Variants in ZBTB8B observed in about 807,000 individuals in gnomAD.
The protein encoded by ZBTB8B is zinc finger and BTB domain-containing protein 8B.
ZBTB8B carries 17 observed loss-of-function variants against 30.3 expected under a neutral mutation model. That is an observed-to-expected ratio of 0.56 (90% CI 0.38 to 0.84). The LOEUF (loss-of-function observed/expected upper bound fraction) is 0.84, where lower values mean the gene tolerates loss of function less well. Ranked by LOEUF, ZBTB8B falls within the 40% of genes least tolerant of loss-of-function variation. The probability of loss-of-function intolerance (pLI) is 0.00; values close to 1 mark genes in which losing one functional copy is unlikely to be tolerated. For missense variants in ZBTB8B, 515 were observed against 644.9 expected (o/e 0.80, Z 2.18); for synonymous variants, 248 against 255.6 (o/e 0.97, Z 0.28).
chr1:32,489,059 A>G lies in ZBTB8B; in HGVS notation c.*3641A>G, dbSNP rs1190920596. On this transcript the variant is annotated 3_prime_UTR_variant, in exon 4 of 4. Coordinates refer to ENST00000609129, the MANE Select transcript of ZBTB8B (RefSeq NM_001145720.2). ...TGATCCGCCTGCCTCAGCCTCCCAA[A>G]GTGCTGGGATTACAGGCGTGAGCCA... 6.6e-6 allele frequency: 1 copy of G among 152,216 alleles called. No individual in the cohort carries two copies. The allele number at this position is 152,216 out of a possible 1,614,324, so 9.4% of individuals were successfully genotyped here. A position where few individuals can be genotyped will look rare whatever the true frequency, so the allele number is the denominator to read the frequency against.
chr1:32,474,619 G>A (rs12134516), intron 2 of ZBTB8B, among the ~76,000 whole-genome samples: 1 of 152,118 alleles, frequency 6.6e-6, no homozygotes, highest in African/African-American at 2.4e-5. Context: ...GCATTGGGAA[G>A]ATAGTGGCTG....
intron 3 of ZBTB8B, among the ~76,000 whole-genome samples, chr1:32,483,987 T>G (rs1372792545): frequency 6.6e-6 from 1 of 152,042 alleles, no homozygotes; most frequent in Non-Finnish European, 1.5e-5. Flanking sequence ...GAAGGATCAC[T>G]TTAGGCCAGG....
At chr1:32,471,638 A>G in intron 2 of ZBTB8B, 23 bp downstream of exon 2, 1 of 1,535,968 alleles carries the variant, frequency 6.5e-7, no homozygotes, top group Non-Finnish European at 8.8e-7. Context: ...AGCATTCATC[A>G]GCCCTGCCAG....
At chr1:32,478,247 C>A (rs896859515) in intron 2 of ZBTB8B, among the ~76,000 whole-genome samples, 1 of 151,182 alleles carries the variant, frequency 6.6e-6, no homozygotes. Flanking sequence ...CATGGTGGCT[C>A]ACGCCTATAA....
intron 1 of ZBTB8B, among the ~76,000 whole-genome samples, chr1:32,467,395 G>C (rs965551715): frequency 1.3e-5 from 2 of 151,926 alleles, no homozygotes; most frequent in African/African-American, 4.8e-5. Context: ...GGGATTACAG[G>C]TGCCCGCCAC....
intron 3 of ZBTB8B, 23 bp from the exon 4 acceptor site, chr1:32,485,078 A>G (rs1643734054): frequency 4.5e-6 from 7 of 1,548,160 alleles, no homozygotes; most frequent in Non-Finnish European, 6.1e-6. Context: ...TGTGACATCT[A>G]CTGTGTCTGC....
intron 1 of ZBTB8B, among the ~76,000 whole-genome samples, chr1:32,469,058 G>T (rs984009042): frequency 6.6e-6 from 1 of 151,526 alleles, no homozygotes; most frequent in Non-Finnish European, 1.5e-5. Flanking sequence ...TTGGCCAGGC[G>T]CAGTGGTATG....
At chr1:32,467,683 AT>A (rs1221275617) in intron 1 of ZBTB8B, among the ~76,000 whole-genome samples, 3 of 152,238 alleles carry the variant, frequency 2.0e-5, no homozygotes, top group Admixed American at 2.0e-4. Context: ...ATAAAATTGA[AT>A]AAGACATGGC....
intron 2 of ZBTB8B, among the ~76,000 whole-genome samples, chr1:32,472,130 C>A (rs1643629580): frequency 6.6e-6 from 1 of 152,032 alleles, no homozygotes; most frequent in Non-Finnish European, 1.5e-5. Flanking sequence ...CCATTATTGC[C>A]ACCACCACCA....
intron 2 of ZBTB8B, among the ~76,000 whole-genome samples, chr1:32,471,845 A>G (rs534781355): frequency 6.6e-6 from 1 of 151,948 alleles, no homozygotes; most frequent in African/African-American, 2.4e-5. Flanking sequence ...CACCAGTACC[A>G]TCATCATCAT....
At position 32,469,246 on chromosome 1, in the gene ZBTB8B, A is replaced by ATTTTT. The variant is rs541160413; in HGVS notation, c.-41-1325_-41-1321dup. 4.4e-3 allele frequency among the ~76,000 whole-genome samples: 518 copies of ATTTTT among 117,320 alleles called. 21 individuals are homozygous for ATTTTT. Among genetic ancestry groups the ATTTTT allele is most frequent in the East Asian group, 0.029 (110 of 3,798 alleles). 77.0% of individuals were successfully genotyped at this position (117,320 alleles called of 152,430 possible). ...TTGATACACTAAACACTCAAGTATA[A>ATTTTT]TTTTTTTTTTTTTTTTTGAGACAGA... On this transcript the variant is annotated intron_variant, in intron 1 of 3. Transcript: ENST00000609129.
Position 32,485,319 on chromosome 1 carries a change from C to T in ZBTB8B, c.1389C>T (p.Ile463=). ...EKSDTDNDWP[I]YVESGEENDP... is the part of the protein sequence containing the mutation. ...GCGACACAGACAATGACTGGCCAAT[C>T]TATGTGGAGTCGGGTGAGGAAAATG... The change falls in exon 4 of 4, where the codon ATC becomes ATT. Residue 463 remains isoleucine, a synonymous_variant. Transcript: ENST00000609129. 6.4e-7 allele frequency: 1 copy of T among 1,552,262 alleles called. No individual in the cohort carries two copies. The highest frequency in any genetic ancestry group is 1.2e-5 in the South Asian group (1 of 84,056).
At position 32,471,287 on chromosome 1, in the gene ZBTB8B, T is replaced by C; in HGVS notation, c.663T>C (p.Ser221=). The C allele has an allele frequency of 6.4e-7, 1 of 1,551,810 alleles. No homozygotes were observed. The highest frequency in any genetic ancestry group is 1.4e-5 in the African/African-American group (1 of 73,186). ...GTGGCTCGGCTGACAGCAACCTCTC[T>C]ACTCCACCCAAACGGATAGAGCCCA... ...LGGGSADSNL[S]TPPKRIEPKV... The change falls in exon 2 of 4, where the codon TCT becomes TCC. Residue 221 remains serine (S), a synonymous_variant. Coordinates refer to ENST00000609129, the MANE Select transcript of ZBTB8B (RefSeq NM_001145720.2).
chr1:32,476,785 T>C lies in ZBTB8B; in HGVS notation c.992-4106T>C, dbSNP rs1041471322. The stretch of plus-strand genomic sequence containing the variant: ...GCCTGGGCAACAGAGCGAGACTCTG[T>C]CTCAAAAAAAAAAAAAAAAAATCCA... On this transcript the variant is annotated intron_variant, in intron 2 of 3. Coordinates refer to ENST00000609129, the MANE Select transcript of ZBTB8B (RefSeq NM_001145720.2). Among the ~76,000 whole-genome samples the C allele has an allele frequency of 1.1e-4, 16 of 143,170 alleles. No homozygotes were observed. In the East Asian group the frequency reaches 1.6e-3, roughly 14 times the overall value. The allele number at this position is 143,170 out of a possible 152,430, so 93.9% of individuals were successfully genotyped here. A position where few individuals can be genotyped will look rare whatever the true frequency, so the allele number is the denominator to read the frequency against.
At chr1:32,479,354 C>T (rs1643687575) in intron 2 of ZBTB8B, among the ~76,000 whole-genome samples, 1 of 151,824 alleles carries the variant, frequency 6.6e-6, no homozygotes, top group Non-Finnish European at 1.5e-5. Flanking sequence ...TGAAACCCCG[C>T]CTTTACTAAA....
In ZBTB8B at chr1:32,484,334, G is replaced by A. The variant is rs146924739; in HGVS notation, c.1171-767G>A. ...CTGCCCTCTTAGAGCTTCCACTCTA[G>A]TGACTTTTATGAACAATTTGTGAGA... On this transcript the variant is annotated intron_variant, in intron 3 of 3. Coordinates refer to ENST00000609129, the MANE Select transcript of ZBTB8B (RefSeq NM_001145720.2). This position sits in a 1 kb window ranked among gnomAD's most constrained non-coding sequence, Gnocchi z 4.5. Among the ~76,000 whole-genome samples, 845 of 152,284 alleles carry A rather than the reference G, an allele frequency of 5.5e-3. 4 individuals are homozygous for A. Among genetic ancestry groups the A allele is most frequent in the Middle Eastern group, 0.027 (8 of 294 alleles).
chr1:32,485,695 G>A lies in ZBTB8B; in HGVS notation c.*277G>A. ...GGCCCTGAGGTCTCCTGTTTTTCTT[G>A]CTGTGTGTCCAAACTCTGGTTAGGA... On this transcript the variant is annotated 3_prime_UTR_variant, in exon 4 of 4. Coordinates refer to ENST00000609129, the MANE Select transcript of ZBTB8B (RefSeq NM_001145720.2). The A allele has an allele frequency of 2.5e-6, 1 of 399,188 alleles. No individual in the cohort carries two copies. Among genetic ancestry groups the A allele is most frequent in the South Asian group, 3.4e-5 (1 of 29,408 alleles). The allele number at this position is 399,188 out of a possible 1,614,324, so 24.7% of individuals were successfully genotyped here.
At chr1:32,481,450 A>G (rs72668536) in intron 3 of ZBTB8B, among the ~76,000 whole-genome samples, 12,687 of 151,804 alleles carry the variant, frequency 0.084, 736 homozygotes, top group African/African-American at 0.17. Flanking sequence ...CCCAGCACCT[A>G]GGGGTAAGGG....
intron 3 of ZBTB8B, among the ~76,000 whole-genome samples, chr1:32,482,770 A>G (rs1341248561): frequency 1.3e-5 from 2 of 151,734 alleles, no homozygotes; most frequent in Admixed American, 6.6e-5. Context: ...CAGAATAAAG[A>G]ACTTTTATAA....
Sources: gnomAD v4.1 joint callset for allele counts (sites outside exome capture counted in the v4.1 genomes callset) on GRCh38, gnomAD v4.1.1 for gene constraint, Gnocchi (gnomAD v3.1) non-coding constraint, MANE v1.5 for transcripts, NCBI Gene and HGNC (gene_info 2026-07-23, HGNC 2026-07-21) for gene names.